CTNNA2: variants seen among roughly 807,000 people sequenced by gnomAD.
CTNNA2 encodes the protein catenin alpha 2, also known as catenin alpha-2.
Under a neutral mutation model 101.0 loss-of-function variants are expected in CTNNA2, and 42 were observed. The ratio of observed to expected loss-of-function variants is 0.42; its 90% confidence interval spans 0.32 to 0.54. CTNNA2 has a LOEUF of 0.54. Among genes scored for constraint, CTNNA2 ranks in the 20% least tolerant of loss-of-function variants. The pLI is 0.14. For synonymous variants in CTNNA2, 450 were observed against 456.4 expected, an observed-to-expected ratio of 0.99 and a Z score of 0.18; for missense variants, 871 against 1,223.1, an observed-to-expected ratio of 0.71 and a Z score of 4.29.
chr2:79,591,329 T>C (rs1676831017), intron 1 of CTNNA2, among the ~76,000 whole-genome samples: 1 of 152,206 alleles, frequency 6.6e-6, no homozygotes, highest in Admixed American at 6.5e-5. Flanking sequence ...ATAAATGTTA[T>C]CCTGTGGCAT....
rs368278258 is a variant in CTNNA2, at chr2:80,004,952, T to C, written c.1056+95155T>C. Among the ~76,000 whole-genome samples the C allele has an allele frequency of 2.0e-5, 3 of 152,292 alleles. No homozygotes were observed. The East Asian group carries it at 5.8e-4, about 29-fold the overall frequency. On this transcript the variant is annotated intron_variant, in intron 7 of 18. Coordinates refer to ENST00000402739, the MANE Select transcript of CTNNA2 (RefSeq NM_001282597.3). ...TCCTTGTAATCTGCTGGCCCCGGCC[T>C]CCCAAAGTGCTGGGATTACAGGTGG...
At chr2:79,214,806 G>A (rs1674226122) in intron 2 of CTNNA2, among the ~76,000 whole-genome samples, 1 of 151,976 alleles carries the variant, frequency 6.6e-6, no homozygotes, top group Non-Finnish European at 1.5e-5. Context: ...GAACTGGGCA[G>A]GTGGGGATAA....
intron 4 of CTNNA2, among the ~76,000 whole-genome samples, chr2:79,448,319 C>G (rs1259012674): frequency 2.0e-5 from 3 of 151,914 alleles, no homozygotes; most frequent in Non-Finnish European, 4.4e-5. Context: ...ACTGTTTCTT[C>G]AAGTGTAGAT....
intron 3 of CTNNA2, among the ~76,000 whole-genome samples, chr2:79,343,203 G>T (rs1169300064): frequency 2.6e-5 from 4 of 151,986 alleles, no homozygotes; most frequent in Non-Finnish European, 5.9e-5. Context: ...AATATATTTG[G>T]ATAAATTTAA....
intron 1 of CTNNA2, among the ~76,000 whole-genome samples, chr2:79,564,703 G>A (rs993337765): frequency 6.6e-6 from 1 of 152,082 alleles, no homozygotes; most frequent in East Asian, 1.9e-4. Context: ...TTTTTCTCAA[G>A]TGTGCCTGAA....
chr2:79,484,755 G>A (rs1227604482), intron 4 of CTNNA2, among the ~76,000 whole-genome samples: 2 of 152,132 alleles, frequency 1.3e-5, no homozygotes, highest in African/African-American at 4.8e-5. Flanking sequence ...TCTCAAGAGT[G>A]TGGTCAGCAA....
intron 7 of CTNNA2, among the ~76,000 whole-genome samples, chr2:80,147,349 A>C (rs1377566109): frequency 1.3e-5 from 2 of 151,878 alleles, no homozygotes; most frequent in Non-Finnish European, 2.9e-5. Flanking sequence ...TGATCCACCA[A>C]CTCGGCCTCC....
chr2:80,203,453 G>A (rs1383760934), intron 7 of CTNNA2, among the ~76,000 whole-genome samples: 1 of 152,178 alleles, frequency 6.6e-6, no homozygotes, highest in East Asian at 1.9e-4. Context: ...CAAAACAATG[G>A]GGCCACAGGC....
chr2:80,163,708 A>C (rs1265072015), intron 7 of CTNNA2, among the ~76,000 whole-genome samples: 4 of 152,128 alleles, frequency 2.6e-5, no homozygotes, highest in African/African-American at 9.7e-5. Flanking sequence ...ATTGTTGAGA[A>C]GAAAGTATTG....
rs541480992 is a variant in CTNNA2 at position 80,474,573 on chromosome 2, A to G, written c.1290+54972A>G. 5.3e-5 allele frequency among the ~76,000 whole-genome samples: 8 copies of G among 152,268 alleles called. No homozygotes were observed. The South Asian group carries it at 1.7e-3, about 32-fold the overall frequency. On this transcript the variant is annotated intron_variant, in intron 9 of 18. Transcript: ENST00000402739. ...TACTGTTACATACCTACATTTTCCT[A>G]CCATAAATTGAACCATTTCCTATCA...
In CTNNA2 at chr2:79,651,622, A is replaced by G; in HGVS notation, c.66A>G (p.Leu22=). 1.2e-6 allele frequency: 2 copies of G among 1,613,848 alleles called. No homozygotes were observed. ...WDPKSLEIRT[L]TVERLLEPLV... ...CCAAAAGTTTGGAAATCCGGACGCT[A>G]ACAGTGGAAAGGCTGTTGGAGCCAC... Residue 22 remains leucine (L), a synonymous_variant, in exon 2 of 19, where the codon CTA becomes CTG. Transcript: ENST00000402739.
At chr2:79,289,343 A>G (rs1407459332) in intron 2 of CTNNA2, among the ~76,000 whole-genome samples, 1 of 152,206 alleles carries the variant, frequency 6.6e-6, no homozygotes, top group Admixed American at 6.5e-5. Flanking sequence ...AGGTAAATAT[A>G]GATTTAATGA....
At chr2:80,163,526 A>G (rs1319257) in intron 7 of CTNNA2, among the ~76,000 whole-genome samples, 1,906 of 152,160 alleles carry the variant, frequency 0.013, 30 homozygotes, top group African/African-American at 0.041. Context: ...GACCCAGGAT[A>G]TGGTATATCT....
intron 2 of CTNNA2, among the ~76,000 whole-genome samples, chr2:79,298,361 C>T (rs1676031220): frequency 6.6e-6 from 1 of 152,102 alleles, no homozygotes; most frequent in Non-Finnish European, 1.5e-5. Context: ...AGGAATCAGA[C>T]CCTTGACCCA....
At chr2:79,772,033 T>C (rs1037626037) in intron 3 of CTNNA2, among the ~76,000 whole-genome samples, 16 of 151,762 alleles carry the variant, frequency 1.1e-4, no homozygotes, top group Middle Eastern at 3.4e-3. Flanking sequence ...TCTTTTTTTT[T>C]CTTTTCTTTT....
chr2:80,003,894 AG>A (rs1693138483), intron 7 of CTNNA2, among the ~76,000 whole-genome samples: 1 of 152,192 alleles, frequency 6.6e-6, no homozygotes, highest in Non-Finnish European at 1.5e-5. Flanking sequence ...AAGTCCCAGG[AG>A]GGCAGCTTTA....
At chr2:79,338,043 C>T (rs61314887) in intron 3 of CTNNA2, among the ~76,000 whole-genome samples, 44,022 of 151,318 alleles carry the variant, frequency 0.29, 6,581 homozygotes, top group East Asian at 0.38. Context: ...GTCAGGAGTT[C>T]GAGACCAGCC....
intron 3 of CTNNA2, among the ~76,000 whole-genome samples, chr2:79,782,728 T>C (rs1674546575): frequency 6.6e-6 from 1 of 152,214 alleles, no homozygotes; most frequent in Admixed American, 6.5e-5. Context: ...AACAATGAAA[T>C]GCAGCTGCCT....
chr2:80,501,782 G>A (rs1035713263), intron 9 of CTNNA2, among the ~76,000 whole-genome samples: 7 of 152,136 alleles, frequency 4.6e-5, no homozygotes, highest in South Asian at 2.1e-4. Flanking sequence ...AGGTGCTCTG[G>A]AGCATAACTT....
Sources: allele counts gnomAD v4.1 joint callset (sites outside exome capture counted in the v4.1 genomes callset), GRCh38; gene constraint gnomAD v4.1.1; transcripts MANE v1.5; gene names NCBI Gene and HGNC (gene_info 2026-07-23, HGNC 2026-07-21).